Variants in GPR89B observed in about 807,000 individuals in gnomAD.
GPR89B encodes G protein-coupled receptor 89B.
Under a neutral mutation model 52.4 loss-of-function variants are expected in GPR89B, and 25 were observed. The ratio of observed to expected loss-of-function variants is 0.48; its 90% confidence interval spans 0.35 to 0.67. The LOEUF (loss-of-function observed/expected upper bound fraction) is 0.67, where lower values mean the gene tolerates loss of function less well. Among genes scored for constraint, GPR89B ranks in the 30% least tolerant of loss-of-function variants. The probability of loss-of-function intolerance (pLI) is 0.01; values close to 1 mark genes in which losing one functional copy is unlikely to be tolerated. For synonymous variants in GPR89B, 52 were observed against 151.2 expected (o/e 0.34, Z 4.81); for missense variants, 146 against 450.2 (o/e 0.32, Z 6.11).
chr1:147,992,436 T>A (rs1659136325), intron 12 of GPR89B, 66 bp from the exon 13 acceptor site: 2 of 1,538,022 alleles, frequency 1.3e-6, no homozygotes, highest in East Asian at 4.5e-5. Context: ...TTAACCATAT[T>A]TCTTACTGTT....
chr1:147,933,275 G>T (rs1183654557), intron 1 of GPR89B, among the ~76,000 whole-genome samples: 1 of 151,152 alleles, frequency 6.6e-6, no homozygotes, highest in Non-Finnish European at 1.5e-5. Flanking sequence ...TGCATTTACT[G>T]TCCCCACTGC....
At chr1:147,946,797 A>G (rs1157242650) in intron 5 of GPR89B, among the ~76,000 whole-genome samples, 5 of 152,094 alleles carry the variant, frequency 3.3e-5, no homozygotes, top group Admixed American at 2.0e-4. Flanking sequence ...ATTACCCTGA[A>G]AAGGACACTG....
At chr1:147,958,226 A>C (rs1656270137) in intron 7 of GPR89B, among the ~76,000 whole-genome samples, 1 of 152,148 alleles carries the variant, frequency 6.6e-6, no homozygotes, top group African/African-American at 2.4e-5. Context: ...ATTTTACATG[A>C]GTGTATATAA....
chr1:147,990,525 T>C (rs1658982842), intron 12 of GPR89B, among the ~76,000 whole-genome samples: 1 of 152,154 alleles, frequency 6.6e-6, no homozygotes, highest in Non-Finnish European at 1.5e-5. Context: ...TCCTTGCCCA[T>C]GCCTATGTCC....
chr1:147,932,324 A>C (rs4950497), intron 1 of GPR89B, among the ~76,000 whole-genome samples: 11 of 151,290 alleles, frequency 7.3e-5, no homozygotes, highest in Non-Finnish European at 1.2e-4. Context: ...TACTTTCTTA[A>C]ACCCTCTTGT....
downstream of GPR89B, chr1:147,994,235 A>G: frequency 1.2e-6 from 2 of 1,602,074 alleles, no homozygotes; most frequent in Non-Finnish European, 8.5e-7. Flanking sequence ...TTCTTTGAGA[A>G]AGGATTCCTA....
At chr1:147,945,426 A>G (rs1345653079) in intron 5 of GPR89B, among the ~76,000 whole-genome samples, 4 of 152,126 alleles carry the variant, frequency 2.6e-5, no homozygotes, top group South Asian at 2.1e-4. Flanking sequence ...ACACCCTTCC[A>G]TGTATACTGA....
At chr1:147,970,569 C>CTATATATATATATA (rs1295887286) in intron 10 of GPR89B, among the ~76,000 whole-genome samples, 1 of 142,582 alleles carries the variant, frequency 7.0e-6, no homozygotes, top group African/African-American at 2.7e-5. Flanking sequence ...CTCTCTCTCT[C>CTATATATATATATA]TATATATATA....
chr1:147,961,339 C>G (rs1656540659), intron 7 of GPR89B, among the ~76,000 whole-genome samples: 2 of 151,346 alleles, frequency 1.3e-5, no homozygotes, highest in South Asian at 4.2e-4. Flanking sequence ...GAAATACCAG[C>G]CCAAAACATA....
the GPR89B span, among the ~76,000 whole-genome samples, chr1:148,023,749 G>A: frequency 6.6e-5 from 10 of 150,646 alleles, no homozygotes; most frequent in East Asian, 1.9e-3. Flanking sequence ...TTTAAGAAGT[G>A]CCTGTTCATG....
chr1:148,024,626 GC>G, the GPR89B span: 1 of 139,882 alleles, frequency 7.1e-6, no homozygotes, highest in African/African-American at 2.8e-5. Flanking sequence ...GGATGGCCTT[GC>G]CCCAGCTATG....
At chr1:147,959,155 A>C (rs1313979866) in intron 7 of GPR89B, among the ~76,000 whole-genome samples, 2 of 152,164 alleles carry the variant, frequency 1.3e-5, no homozygotes, top group African/African-American at 4.8e-5. Context: ...TTTGTTATGT[A>C]CAAAAAAGTT....
intron 11 of GPR89B, among the ~76,000 whole-genome samples, chr1:147,987,222 A>G (rs1323076267): frequency 6.6e-6 from 1 of 152,232 alleles, no homozygotes; most frequent in South Asian, 2.1e-4. Flanking sequence ...TATAAATTAT[A>G]TTAAGTATGC....
rs1465385184 is a variant in GPR89B at position 147,977,999 on chromosome 1, T to A, written c.909+8040T>A. ...AAGCCTACTTCTGTCAGTGCATCCA[T>A]CTCAGCCTCAGCCTCAGCCCAGTTC... On this transcript the variant is annotated intron_variant, in intron 10 of 13. Transcript: ENST00000314163. Among the ~76,000 whole-genome samples the A allele has an allele frequency of 2.6e-5, 4 of 151,802 alleles. No homozygotes were observed. The East Asian group carries it at 7.8e-4, about 30-fold the overall frequency.
the GPR89B span, among the ~76,000 whole-genome samples, chr1:148,012,634 T>G: frequency 4.6e-4 from 70 of 151,772 alleles, no homozygotes; most frequent in Non-Finnish European, 9.3e-4. Context: ...AGCACTGTCA[T>G]TAAGATGTTG....
intron 10 of GPR89B, among the ~76,000 whole-genome samples, chr1:147,979,297 G>C (rs1658065099): frequency 1.3e-5 from 2 of 151,890 alleles, no homozygotes; most frequent in Admixed American, 1.3e-4. Flanking sequence ...GGTCACCTTG[G>C]CCCCTCCACC....
At chr1:148,007,505 T>C in the GPR89B span, among the ~76,000 whole-genome samples, 2 of 151,516 alleles carry the variant, frequency 1.3e-5, no homozygotes, top group Admixed American at 1.3e-4. Flanking sequence ...TGAACATTTA[T>C]CATTTCTTTG....
At chr1:148,014,041 G>T in the GPR89B span, among the ~76,000 whole-genome samples, 1 of 151,192 alleles carries the variant, frequency 6.6e-6, no homozygotes, top group Admixed American at 6.6e-5. Flanking sequence ...TTCTCGCCCG[G>T]TAGGAAAGCG....
intron 7 of GPR89B, among the ~76,000 whole-genome samples, chr1:147,959,766 G>A (rs1208184760): frequency 6.6e-6 from 1 of 152,072 alleles, no homozygotes; most frequent in African/African-American, 2.4e-5. Flanking sequence ...GAAACTAGAA[G>A]AGAGTCTATC....
Sources: allele counts gnomAD v4.1 joint callset (sites outside exome capture counted in the v4.1 genomes callset), GRCh38; gene constraint gnomAD v4.1.1; transcripts MANE v1.5; gene names NCBI Gene and HGNC (gene_info 2026-07-23, HGNC 2026-07-21).